The following TFAP2B variants were observed in gnomAD, a reference collection of about 807,000 sequenced individuals.
The protein encoded by TFAP2B is transcription factor AP-2 beta.
Under a neutral mutation model 44.3 loss-of-function variants are expected in TFAP2B, and 9 were observed. That is an observed-to-expected ratio of 0.20 (90% CI 0.12 to 0.35). The LOEUF (loss-of-function observed/expected upper bound fraction) is 0.35, where lower values mean the gene tolerates loss of function less well. Ranked by LOEUF, TFAP2B falls within the 10% of genes least tolerant of loss-of-function variation. The pLI, the probability that TFAP2B is intolerant of heterozygous loss-of-function variation, is 1.00. For missense variants in TFAP2B, 509 were observed against 600.0 expected (o/e 0.85, Z 1.59); for synonymous variants, 270 against 263.8 (o/e 1.02, Z -0.23).
In TFAP2B at chr6:50,844,758, T is replaced by G. The variant is rs1395859153; in HGVS notation, c.*1366T>G. The G allele has an allele frequency of 6.6e-6, 1 of 152,274 alleles. No individual in the cohort carries two copies. Among genetic ancestry groups the G allele is most frequent in the East Asian group, 1.9e-4 (1 of 5,186 alleles). 9.4% of individuals were successfully genotyped at this position (152,274 alleles called of 1,614,324 possible). A position where few individuals can be genotyped will look rare whatever the true frequency, so the allele number is the denominator to read the frequency against. ...TCCCTGGGTTCTTTGGTGATTGCTGTTTAAGCAAGGAAAGAAGCAGCTTTA... is the reference window on the plus strand; with the variant it reads ...TCCCTGGGTTCTTTGGTGATTGCTGGTTAAGCAAGGAAAGAAGCAGCTTTA... On this transcript the variant is annotated 3_prime_UTR_variant, in exon 7 of 7. Transcript: ENST00000393655.
chr6:50,823,907 A>C, intron 2 of TFAP2B, 42 bp downstream of exon 2: 1 of 1,532,628 alleles, frequency 6.5e-7, no homozygotes, highest in Non-Finnish European at 8.8e-7. Flanking sequence ...AAAGACCACG[A>C]ATAAGGAATG....
At chr6:50,838,566 T>C (rs1409673436) in intron 5 of TFAP2B, among the ~76,000 whole-genome samples, 2 of 152,194 alleles carry the variant, frequency 1.3e-5, no homozygotes, top group Admixed American at 6.5e-5. Flanking sequence ...CATGTTGTTA[T>C]TGAAATATTG....
intron 1 of TFAP2B, chr6:50,822,121 CT>C (rs1162245385): frequency 4.6e-6 from 6 of 1,301,180 alleles, no homozygotes; most frequent in East Asian, 5.6e-5. Flanking sequence ...AGTAACCAGG[CT>C]TTTTTTTCCA....
In TFAP2B at chr6:50,832,279, G is replaced by C. The variant is rs1022976138; in HGVS notation, c.601+3600G>C. Among the ~76,000 whole-genome samples the C allele has an allele frequency of 3.9e-5, 6 of 152,312 alleles. No individual in the cohort carries two copies. The East Asian group carries it at 1.2e-3, about 29-fold the overall frequency. On this transcript the variant is annotated intron_variant, in intron 3 of 6. Coordinates refer to ENST00000393655, the MANE Select transcript of TFAP2B (RefSeq NM_003221.4). Reference sequence around the variant, plus strand: ...TCAACACTCCAAGTGCTGAAACTGAGAGAGACAATAAATGACTTTCTCAAG... The same window carrying C: ...TCAACACTCCAAGTGCTGAAACTGACAGAGACAATAAATGACTTTCTCAAG...
chr6:50,821,839 C>A, intron 1 of TFAP2B: 1 of 283,344 alleles, frequency 3.5e-6, no homozygotes, highest in Non-Finnish European at 6.9e-6. Context: ...GCCGAGCAGT[C>A]TGAGCCCAGC....
chr6:50,843,229 C>A lies in TFAP2B; in HGVS notation c.1220C>A (p.Ala407Asp). Residue 407 changes from alanine (A) to aspartate (D), a missense_variant, in exon 7 of 7, where the codon GCC becomes GAC. This residue lies in a region of TFAP2B where 168 missense variants were observed against 183.2 expected (regional missense o/e 0.92). Transcript: ENST00000393655. ...HFSLITHGFGAPAICAALTAL... is the reference protein window; with the variant it reads ...HFSLITHGFGDPAICAALTAL... ...AGCCTCATCACGCACGGCTTCGGCG[C>A]CCCGGCCATTTGCGCCGCGCTCACG... The A allele has an allele frequency of 6.2e-7, 1 of 1,614,202 alleles. No individual in the cohort carries two copies. Among genetic ancestry groups the A allele is most frequent in the Non-Finnish European group, 8.5e-7 (1 of 1,180,028 alleles).
chr6:50,830,453 G>T (rs1770642852), intron 3 of TFAP2B: 1 of 293,564 alleles, frequency 3.4e-6, no homozygotes, highest in South Asian at 1.3e-4. Context: ...AAGAAAAAGA[G>T]AATAATGACT....
At position 50,836,088 on chromosome 6, in the gene TFAP2B, C is replaced by T; in HGVS notation, c.629C>T (p.Ser210Phe). 1 of 1,614,144 alleles carries T rather than the reference C, an allele frequency of 6.2e-7. No individual in the cohort carries two copies. Among genetic ancestry groups the T allele is most frequent in the East Asian group, 2.2e-5 (1 of 44,872 alleles). ...KVPVPPKSVT[S>F]LMMNKDGFLG... ...CCAGTTCCTCCCAAATCGGTGACTT[C>T]TCTAATGATGAATAAAGACGGCTTC... The change falls in exon 4 of 7, where the codon TCT (serine) becomes TTT (phenylalanine). Residue 210 changes from serine to phenylalanine, a missense_variant. By Grantham distance (155) the Ser-to-Phe change is radical. Around this residue, in one of 3 missense-constraint regions of TFAP2B, gnomAD observed 296 missense variants for 308.2 expected, o/e 0.96. Coordinates refer to ENST00000393655, the MANE Select transcript of TFAP2B (RefSeq NM_003221.4).
At chr6:50,823,267 G>C (rs1001216721) in intron 1 of TFAP2B, 140 bp from the exon 2 acceptor site, 13 of 782,260 alleles carry the variant, frequency 1.7e-5, no homozygotes, top group Middle Eastern at 3.5e-4. Context: ...GTCCCGGGAA[G>C]AGCGTACAAA....
At chr6:50,833,185 T>G (rs989102955) in intron 3 of TFAP2B, among the ~76,000 whole-genome samples, 1 of 152,212 alleles carries the variant, frequency 6.6e-6, no homozygotes, top group Non-Finnish European at 1.5e-5. Context: ...TGCTCATAAT[T>G]ACTAACAAAT....
Position 50,838,013 on chromosome 6 carries a change from G to C in TFAP2B, c.860G>C (p.Arg287Thr). Residue 287 changes from arginine to threonine, a missense_variant, in exon 5 of 7, where the codon AGG becomes ACG. By Grantham distance (71) the Arg-to-Thr change is moderately conservative. Coordinates refer to ENST00000393655, the MANE Select transcript of TFAP2B (RefSeq NM_003221.4). ...AATGGGGGGAGATCTTTGCGAGAAAGGCTAGAAAAAATCGGTTTGAATTTA... is the reference window on the plus strand; with the variant it reads ...AATGGGGGGAGATCTTTGCGAGAAACGCTAGAAAAAATCGGTTTGAATTTA... ...SKNGGRSLRE[R>T]LEKIGLNLPA... is the part of the protein sequence containing the mutation. 6.2e-7 allele frequency: 1 copy of C among 1,614,166 alleles called. No individual in the cohort carries two copies. The highest frequency in any genetic ancestry group is 8.5e-7 in the Non-Finnish European group (1 of 1,180,034).
intron 3 of TFAP2B, among the ~76,000 whole-genome samples, chr6:50,831,804 A>C (rs140263015): frequency 8.6e-4 from 131 of 152,320 alleles, no homozygotes; most frequent in African/African-American, 3.0e-3. Context: ...TTAACACCTT[A>C]GACAGCAGAA....
intron 4 of TFAP2B, 58 bp from the exon 5 acceptor site, chr6:50,837,917 A>C: frequency 7.1e-7 from 1 of 1,408,966 alleles, no homozygotes; most frequent in Non-Finnish European, 1.0e-6. Flanking sequence ...TGCTAAGTCT[A>C]AACTTTGTTT....
chr6:50,833,187 C>T (rs1459506976), intron 3 of TFAP2B, among the ~76,000 whole-genome samples: 2 of 152,178 alleles, frequency 1.3e-5, no homozygotes, highest in Non-Finnish European at 2.9e-5. Context: ...CTCATAATTA[C>T]TAACAAATCA....
chr6:50,829,214 C>T (rs1404196019), intron 3 of TFAP2B, among the ~76,000 whole-genome samples: 1 of 152,152 alleles, frequency 6.6e-6, no homozygotes, highest in Non-Finnish European at 1.5e-5. Flanking sequence ...GAAGCTGAGA[C>T]AGCCTATGCA....
intron 6 of TFAP2B, 110 bp from the exon 7 acceptor site, chr6:50,842,982 C>G (rs1762762416): frequency 7.0e-7 from 1 of 1,435,926 alleles, no homozygotes; most frequent in Non-Finnish European, 9.8e-7. Flanking sequence ...CCACATTAGC[C>G]TCGCTCTTCG....
chr6:50,830,955 G>A (rs2744504), intron 3 of TFAP2B, among the ~76,000 whole-genome samples: 1 of 152,004 alleles, frequency 6.6e-6, no homozygotes, highest in East Asian at 1.9e-4. Context: ...CTTTTAGGCA[G>A]ATAAAAAAAA....
chr6:50,821,832 G>GTATCATTAAAA, intron 1 of TFAP2B: 2 of 255,416 alleles, frequency 7.8e-6, no homozygotes, highest in Admixed American at 4.8e-5. Flanking sequence ...AGGGGCGGCC[G>GTATCATTAAAA]AGCAGTCTGA....
intron 3 of TFAP2B, among the ~76,000 whole-genome samples, chr6:50,834,541 C>A (rs1272451486): frequency 6.6e-6 from 1 of 152,154 alleles, no homozygotes; most frequent in Non-Finnish European, 1.5e-5. Context: ...GATTTGGGAG[C>A]AACCTGGCTT....
Sources: gnomAD v4.1 joint callset for allele counts (sites outside exome capture counted in the v4.1 genomes callset) on GRCh38, gnomAD v4.1.1 for gene constraint, gnomAD v4.1.1 regional missense constraint, MANE v1.5 for transcripts, NCBI Gene and HGNC (gene_info 2026-07-23, HGNC 2026-07-21) for gene names.